The following PIK3C2G variants were observed in gnomAD, a reference collection of about 807,000 sequenced individuals.
The protein encoded by PIK3C2G is phosphatidylinositol-4-phosphate 3-kinase catalytic subunit type 2 gamma, also known as phosphatidylinositol 3-kinase C2 domain-containing subunit gamma.
A neutral mutation model predicts 181.1 loss-of-function variants in PIK3C2G; 168 were observed. The observed-to-expected ratio is 0.93, with a 90% CI of 0.82 to 1.05. PIK3C2G has a LOEUF of 1.05. PIK3C2G is among the 50% of genes least tolerant of loss of function. PIK3C2G has a pLI of 0.00. For missense variants in PIK3C2G, 1,869 were observed against 1,732.8 expected (o/e 1.08, Z -1.40); for synonymous variants, 573 against 592.2 (o/e 0.97, Z 0.47).
chr12:18,656,637 C>G, the PIK3C2G span, among the ~76,000 whole-genome samples: 1 of 151,818 alleles, frequency 6.6e-6, no homozygotes, highest in Admixed American at 6.6e-5. Flanking sequence ...TTGGGAAGCT[C>G]AGGTGGAAGG....
chr12:18,658,424 C>A, the PIK3C2G span, among the ~76,000 whole-genome samples: 7 of 151,956 alleles, frequency 4.6e-5, no homozygotes, highest in African/African-American at 1.7e-4. Flanking sequence ...GATAAAGAAT[C>A]GTAAAAGCAG....
upstream of PIK3C2G, chr12:18,247,475 G>GT (rs1352837992): frequency 6.6e-6 from 1 of 152,226 alleles, no homozygotes; most frequent in Non-Finnish European, 1.5e-5. Context: ...AGAAACAGCT[G>GT]TCTCTATAGA....
chr12:18,447,784 G>T (rs1404806332), intron 18 of PIK3C2G, among the ~76,000 whole-genome samples: 6 of 152,192 alleles, frequency 3.9e-5, no homozygotes, highest in Admixed American at 2.0e-4. Context: ...AAGTATAAAG[G>T]TGCAACAGCT....
At chr12:18,389,666 A>G (rs1438364574) in intron 14 of PIK3C2G, among the ~76,000 whole-genome samples, 1 of 152,212 alleles carries the variant, frequency 6.6e-6, no homozygotes, top group African/African-American at 2.4e-5. Flanking sequence ...AAAGTAGAAA[A>G]GGCAACTAGG....
At chr12:18,253,024 A>G (rs1948110097) in intron 1 of PIK3C2G, among the ~76,000 whole-genome samples, 1 of 152,152 alleles carries the variant, frequency 6.6e-6, no homozygotes, top group Admixed American at 6.5e-5. Flanking sequence ...ATATCCTGAC[A>G]AGATAAGACA....
chr12:18,347,258 C>CAGT (rs1939759465), intron 11 of PIK3C2G, among the ~76,000 whole-genome samples: 2 of 151,972 alleles, frequency 1.3e-5, no homozygotes, highest in Admixed American at 1.3e-4. Flanking sequence ...CACCAGGTTT[C>CAGT]AGTGGTATTT....
At chr12:18,676,304 G>A in the PIK3C2G span, among the ~76,000 whole-genome samples, 1 of 152,022 alleles carries the variant, frequency 6.6e-6, no homozygotes, top group Non-Finnish European at 1.5e-5. Flanking sequence ...GTCTATATTT[G>A]CTTAAACCAC....
chr12:18,399,022 C>T (rs1423609839), intron 15 of PIK3C2G, among the ~76,000 whole-genome samples: 6 of 150,222 alleles, frequency 4.0e-5, no homozygotes, highest in Non-Finnish European at 3.0e-5. Flanking sequence ...GGTGAAACCC[C>T]GTCTCTACTA....
chr12:18,416,297 G>A (rs566592814), intron 16 of PIK3C2G, among the ~76,000 whole-genome samples: 11 of 152,200 alleles, frequency 7.2e-5, no homozygotes, highest in Middle Eastern at 3.4e-3. Context: ...CAAGCAAGCC[G>A]TATTTGTAAC....
At chr12:18,260,272 G>T (rs1393056159), upstream of PIK3C2G, among the ~76,000 whole-genome samples, 1 of 151,996 alleles carries the variant, frequency 6.6e-6, no homozygotes, top group Non-Finnish European at 1.5e-5. Context: ...CTCATTTTAG[G>T]AATTAATTTA....
chr12:18,663,306 G>T, the PIK3C2G span, among the ~76,000 whole-genome samples: 1 of 152,002 alleles, frequency 6.6e-6, no homozygotes, highest in African/African-American at 2.4e-5. Flanking sequence ...CAGATAATAC[G>T]ATCCTGTTTT....
At chr12:18,567,127 G>A in intron 29 of PIK3C2G, 70 bp downstream of exon 29, 3 of 764,902 alleles carry the variant, frequency 3.9e-6, no homozygotes, top group Non-Finnish European at 6.6e-6. Flanking sequence ...CGTGAGTGTG[G>A]TGGTTTATGT....
In PIK3C2G at chr12:18,491,498, T is replaced by C; in HGVS notation, c.2733T>C (p.Asp911=). The change falls in exon 20 of 33, where the codon GAT becomes GAC. Residue 911 remains aspartate, a synonymous_variant. Transcript: ENST00000538779. ...GCAGACTAGAAGAGTTCTTTCAAGATGTAAATACTTGTCATCTTCCTCTGA... is the reference window on the plus strand; with the variant it reads ...GCAGACTAGAAGAGTTCTTTCAAGACGTAAATACTTGTCATCTTCCTCTGA... ...EIGRLEEFFQ[D]VNTCHLPLNP... 1.9e-6 allele frequency: 3 copies of C among 1,610,064 alleles called. No individual in the cohort carries two copies. Among genetic ancestry groups the C allele is most frequent in the Non-Finnish European group, 2.5e-6 (3 of 1,176,622 alleles).
chr12:18,601,393 C>T (rs950763913), intron 30 of PIK3C2G, among the ~76,000 whole-genome samples: 3 of 151,840 alleles, frequency 2.0e-5, no homozygotes, highest in African/African-American at 4.8e-5. Flanking sequence ...TATATTTTCA[C>T]TCATATGTGG....
chr12:18,423,769 A>G (rs1374068006), intron 17 of PIK3C2G, among the ~76,000 whole-genome samples, 176 bp from the exon 18 acceptor site: 1 of 152,188 alleles, frequency 6.6e-6, no homozygotes. Context: ...GGTGTAATGT[A>G]TATGTGTTTT....
the PIK3C2G span, chr12:18,701,513 G>GA: frequency 6.2e-7 from 1 of 1,613,762 alleles, no homozygotes. Flanking sequence ...TCTTTTTCTT[G>GA]AAAAGCATTA....
At chr12:18,519,027 A>T (rs1041547135) in intron 24 of PIK3C2G, among the ~76,000 whole-genome samples, 2 of 152,164 alleles carry the variant, frequency 1.3e-5, no homozygotes, top group Admixed American at 6.5e-5. Context: ...TTCAATTTCT[A>T]TGTAATTGTG....
At chr12:18,688,533 T>A in the PIK3C2G span, among the ~76,000 whole-genome samples, 2 of 151,650 alleles carry the variant, frequency 1.3e-5, no homozygotes, top group East Asian at 1.9e-4. Context: ...GTTACTCTGA[T>A]AACGTACTGT....
chr12:18,540,697 C>G (rs1272008537), intron 25 of PIK3C2G, among the ~76,000 whole-genome samples: 2 of 151,862 alleles, frequency 1.3e-5, no homozygotes, highest in Admixed American at 1.3e-4. Context: ...CTTCTATGCT[C>G]TAATTATTCA....
Sources: allele counts gnomAD v4.1 joint callset (sites outside exome capture counted in the v4.1 genomes callset), GRCh38; gene constraint gnomAD v4.1.1; transcripts MANE v1.5; gene names NCBI Gene and HGNC (gene_info 2026-07-23, HGNC 2026-07-21).